RMND5A: variants seen among roughly 807,000 people sequenced by gnomAD.
RMND5A encodes the protein required for meiotic nuclear division 5 homolog A.
Under a neutral mutation model 49.7 loss-of-function variants are expected in RMND5A, and 17 were observed. The ratio of observed to expected loss-of-function variants is 0.34; its 90% CI spans 0.23 to 0.51. The LOEUF is 0.51. Ranked by LOEUF, RMND5A falls within the 20% of genes least tolerant of loss-of-function variation. The pLI is 0.96. For synonymous variants in RMND5A, 156 were observed against 167.7 expected (o/e 0.93, Z 0.54); for missense variants, 255 against 471.3 (o/e 0.54, Z 4.25).
intron 4 of RMND5A, among the ~76,000 whole-genome samples, chr2:86,755,589 A>G (rs569114657): frequency 6.9e-4 from 105 of 152,348 alleles, no homozygotes; most frequent in Non-Finnish European, 1.2e-3. Context: ...TACTATGACT[A>G]TATCTGTAGT....
intron 6 of RMND5A, among the ~76,000 whole-genome samples, chr2:86,768,738 A>G (rs909802544): frequency 6.6e-6 from 1 of 152,190 alleles, no homozygotes; most frequent in Non-Finnish European, 1.5e-5. Context: ...AGACGGACAC[A>G]GCTGAGAGTT....
At chr2:86,759,614 C>T (rs556273685) in intron 4 of RMND5A, among the ~76,000 whole-genome samples, 1 of 147,022 alleles carries the variant, frequency 6.8e-6, no homozygotes, top group South Asian at 2.2e-4. Flanking sequence ...GTTTGCTTGC[C>T]CCCCCGCCCC....
intron 1 of RMND5A, among the ~76,000 whole-genome samples, chr2:86,734,455 TTTA>T (rs1402154126): frequency 6.9e-6 from 1 of 145,456 alleles, no homozygotes; most frequent in Admixed American, 6.7e-5. Context: ...CTTTTTTATT[TTTA>T]TTATTATTGT....
At chr2:86,745,506 C>G (rs1181080235) in intron 2 of RMND5A, among the ~76,000 whole-genome samples, 2 of 152,156 alleles carry the variant, frequency 1.3e-5, no homozygotes, top group Non-Finnish European at 2.9e-5. Flanking sequence ...ATATGCCTGA[C>G]TCATGTTTAA....
Position 86,772,589 on chromosome 2 carries a change from G to A in RMND5A, c.1113-759G>A, listed in dbSNP as rs1672702217. Among the ~76,000 whole-genome samples the A allele has an allele frequency of 5.3e-5, 8 of 151,496 alleles. No individual in the cohort carries two copies. In the South Asian group the frequency reaches 1.7e-3, roughly 31 times the overall value. On this transcript the variant is annotated intron_variant, in intron 8 of 8. Coordinates refer to ENST00000283632, the MANE Select transcript of RMND5A (RefSeq NM_022780.4). ...ATGCATTTGTAATTTATTTTAGTTA[G>A]TGAGCTCAGCTTTTTTTTTTTTTGC...
Position 86,766,163 on chromosome 2 carries a change from T to C in RMND5A, c.854+139T>C, listed in dbSNP as rs532859570. The C allele has an allele frequency of 1.2e-5, 9 of 767,054 alleles. 1 individual carries two copies. In the South Asian group the frequency reaches 1.4e-4, roughly 12 times the overall value. 47.5% of individuals were successfully genotyped at this position (767,054 alleles called of 1,614,324 possible). A position where few individuals can be genotyped will look rare whatever the true frequency, so the allele number is the denominator to read the frequency against. ...AGTGCAATTGGTATTTCAAAAGATATCACAATTGGCAGTGATGCTGTTTTA... is the reference window on the plus strand; with the variant it reads ...AGTGCAATTGGTATTTCAAAAGATACCACAATTGGCAGTGATGCTGTTTTA... On this transcript the variant is annotated intron_variant, in intron 6 of 8. Transcript: ENST00000283632.
At chr2:86,757,151 G>A (rs916417397) in intron 4 of RMND5A, among the ~76,000 whole-genome samples, 7 of 136,132 alleles carry the variant, frequency 5.1e-5, no homozygotes, top group Non-Finnish European at 1.5e-5. Context: ...TCCAGCCTGG[G>A]CAACAAGAGT....
chr2:86,751,438 G>T (rs541844247), intron 2 of RMND5A, among the ~76,000 whole-genome samples: 76 of 152,094 alleles, frequency 5.0e-4, no homozygotes, highest in African/African-American at 1.8e-3. Flanking sequence ...TTAACTAGTT[G>T]GCCATGCCCC....
At chr2:86,746,629 A>C (rs1181370065) in intron 2 of RMND5A, among the ~76,000 whole-genome samples, 2 of 152,270 alleles carry the variant, frequency 1.3e-5, no homozygotes, top group Non-Finnish European at 2.9e-5. Context: ...GAGTTCCTTG[A>C]GAGAATTCAT....
At chr2:86,748,058 T>G (rs1046367105) in intron 2 of RMND5A, among the ~76,000 whole-genome samples, 17 of 152,172 alleles carry the variant, frequency 1.1e-4, no homozygotes, top group African/African-American at 3.9e-4. Context: ...AGAAAAAGTA[T>G]AGTAAGACAG....
At chr2:86,769,796 G>C (rs968244069) in intron 6 of RMND5A, among the ~76,000 whole-genome samples, 1 of 152,038 alleles carries the variant, frequency 6.6e-6, no homozygotes, top group Non-Finnish European at 1.5e-5. Flanking sequence ...TTGGTTTTCA[G>C]TAACTTCAGG....
At chr2:86,768,755 C>T (rs1231492911) in intron 6 of RMND5A, among the ~76,000 whole-genome samples, 1 of 152,056 alleles carries the variant, frequency 6.6e-6, no homozygotes, top group East Asian at 1.9e-4. Flanking sequence ...AGTTGGCTGC[C>T]AACACTTCCA....
chr2:86,747,429 C>CGCATACATATCGAAGTATG (rs2104393820), intron 2 of RMND5A, among the ~76,000 whole-genome samples: 3 of 152,310 alleles, frequency 2.0e-5, no homozygotes, highest in Non-Finnish European at 4.4e-5. Flanking sequence ...TGCGAAGTAG[C>CGCATACATATCGAAGTATG]TATCGTCTGT....
At chr2:86,752,755 G>A (rs1309932620) in intron 3 of RMND5A, among the ~76,000 whole-genome samples, 2 of 152,162 alleles carry the variant, frequency 1.3e-5, no homozygotes, top group Non-Finnish European at 1.5e-5. Flanking sequence ...GCCACCATGT[G>A]CTGTTGCATT....
rs1242323424 is a variant in RMND5A at position 86,774,966 on chromosome 2, G to A, written c.*1555G>A. ...TGGGGTTTGTTTGTGAGGAGAAAGA[G>A]TACTGTGGAAAACCTCTGCTTGAGT... is the stretch of plus-strand genomic sequence containing the variant. On this transcript the variant is annotated 3_prime_UTR_variant, in exon 9 of 9. Coordinates refer to ENST00000283632, the MANE Select transcript of RMND5A (RefSeq NM_022780.4). The A allele has an allele frequency of 1.3e-5, 2 of 152,696 alleles. No homozygotes were observed. Among genetic ancestry groups the A allele is most frequent in the African/African-American group, 2.4e-5 (1 of 41,456 alleles). The allele number at this position is 152,696 out of a possible 1,614,324, so 9.5% of individuals were successfully genotyped here. A position where few individuals can be genotyped will look rare whatever the true frequency, so the allele number is the denominator to read the frequency against.
chr2:86,720,998 C>T (rs1312946152), intron 1 of RMND5A, 189 bp downstream of exon 1: 6 of 499,068 alleles, frequency 1.2e-5, no homozygotes, highest in South Asian at 6.0e-5. Context: ...CCTGCCGCGA[C>T]CTCGCTGCCA....
At chr2:86,745,219 C>A (rs1250678596) in intron 2 of RMND5A, among the ~76,000 whole-genome samples, 1 of 152,038 alleles carries the variant, frequency 6.6e-6, no homozygotes, top group Non-Finnish European at 1.5e-5. Flanking sequence ...TTAAATAGTA[C>A]TAAAGATTTT....
intron 2 of RMND5A, among the ~76,000 whole-genome samples, chr2:86,751,034 C>A (rs1283484367): frequency 6.6e-6 from 1 of 152,094 alleles, no homozygotes; most frequent in African/African-American, 2.4e-5. Context: ...CATCTTTTTC[C>A]ATGTGAGTTG....
chr2:86,756,956 C>T (rs1432080804), intron 4 of RMND5A, among the ~76,000 whole-genome samples: 1 of 152,066 alleles, frequency 6.6e-6, no homozygotes, highest in Non-Finnish European at 1.5e-5. Flanking sequence ...GGCGAATCAT[C>T]TGAGGTCAGG....
Sources: gnomAD v4.1 joint callset for allele counts (sites outside exome capture counted in the v4.1 genomes callset) on GRCh38, gnomAD v4.1.1 for gene constraint, MANE v1.5 for transcripts, NCBI Gene and HGNC (gene_info 2026-07-23, HGNC 2026-07-21) for gene names.